Variants in ZSWIM5 observed in about 807,000 individuals in gnomAD.
ZSWIM5 encodes zinc finger SWIM-type containing 5.
ZSWIM5 carries 55 observed loss-of-function variants against 119.6 expected under a neutral mutation model. That is an observed-to-expected ratio of 0.46 (90% CI 0.37 to 0.58). The LOEUF (loss-of-function observed/expected upper bound fraction) is 0.58. Among genes scored for constraint, ZSWIM5 ranks in the 20% least tolerant of loss-of-function variants. ZSWIM5 has a pLI of 0.00. For missense variants in ZSWIM5, 1,193 were observed against 1,512.8 expected (o/e 0.79, Z 3.51); for synonymous variants, 537 against 606.9 (o/e 0.88, Z 1.69).
intron 1 of ZSWIM5, among the ~76,000 whole-genome samples, chr1:45,183,495 C>T: frequency 6.6e-6 from 1 of 152,052 alleles, no homozygotes; most frequent in Non-Finnish European, 1.5e-5. Context: ...AATTGATACA[C>T]CGCTAGCAAG....
rs192831429 is a variant in ZSWIM5, at chr1:45,166,556, G to A, written c.595+39200C>T. On this transcript the variant is annotated intron_variant, in intron 1 of 13. Coordinates refer to ENST00000359600, the MANE Select transcript of ZSWIM5 (RefSeq NM_020883.2). ...CCCTGTTTGCAGACATGACATGATC[G>A]TATATTTAGAACACCCCATCATCTC... Among the ~76,000 whole-genome samples the A allele has an allele frequency of 1.2e-4, 18 of 152,164 alleles. No homozygotes were observed. In the East Asian group the frequency reaches 2.1e-3, roughly 18 times the overall value.
At chr1:45,117,904 T>C (rs1645568380) in intron 1 of ZSWIM5, among the ~76,000 whole-genome samples, 1 of 152,216 alleles carries the variant, frequency 6.6e-6, no homozygotes, top group Non-Finnish European at 1.5e-5. Context: ...CAGGTCCAGA[T>C]TATTTGAGGG....
intron 1 of ZSWIM5, among the ~76,000 whole-genome samples, chr1:45,200,537 T>C (rs2149057299): frequency 6.6e-6 from 1 of 152,292 alleles, no homozygotes; most frequent in East Asian, 1.9e-4. Context: ...TTCAAGGTTA[T>C]CCATTTCTAA....
intron 1 of ZSWIM5, among the ~76,000 whole-genome samples, chr1:45,124,600 GAA>G (rs939197202): frequency 2.6e-5 from 4 of 151,942 alleles, no homozygotes; most frequent in Admixed American, 2.0e-4. Flanking sequence ...AAAATAAAAT[GAA>G]AGACATGTCA....
At chr1:45,118,791 C>T (rs188196739) in intron 1 of ZSWIM5, among the ~76,000 whole-genome samples, 35 of 149,348 alleles carry the variant, frequency 2.3e-4, no homozygotes, top group South Asian at 1.7e-3. Context: ...TTTTATTGGA[C>T]GAATTAATCA....
chr1:45,107,641 C>CAAAAAAA (rs931372052), intron 1 of ZSWIM5, among the ~76,000 whole-genome samples: 1 of 68,562 alleles, frequency 1.5e-5, no homozygotes, highest in Non-Finnish European at 3.1e-5. Context: ...GACTCTGTCT[C>CAAAAAAA]AAAAAAAAAA....
chr1:45,062,337 A>G (rs1008210970), intron 2 of ZSWIM5, among the ~76,000 whole-genome samples: 5 of 151,988 alleles, frequency 3.3e-5, no homozygotes, highest in African/African-American at 1.2e-4. Flanking sequence ...AGCACAACAA[A>G]GCTACTCCTT....
intron 11 of ZSWIM5, among the ~76,000 whole-genome samples, 170 bp downstream of exon 11, chr1:45,034,142 G>A (rs898155914): frequency 1.3e-5 from 2 of 152,204 alleles, no homozygotes; most frequent in South Asian, 2.1e-4. Flanking sequence ...GTAAGCCACC[G>A]CGCCTGGCCA....
At chr1:45,023,790 C>T (rs1413008203) in intron 11 of ZSWIM5, among the ~76,000 whole-genome samples, 1 of 152,156 alleles carries the variant, frequency 6.6e-6, no homozygotes, top group East Asian at 1.9e-4. Flanking sequence ...AAAGACCAAA[C>T]TGTCTTCTAA....
At chr1:45,204,578 T>C (rs1052972798) in intron 1 of ZSWIM5, among the ~76,000 whole-genome samples, 7 of 152,190 alleles carry the variant, frequency 4.6e-5, no homozygotes, top group Non-Finnish European at 8.8e-5. Context: ...CAGAAGCAGA[T>C]TACTTTATAT....
chr1:45,043,208 G>A lies in ZSWIM5; in HGVS notation c.1609+11C>T. The stretch of plus-strand genomic sequence containing the variant: ...GTGGCTCTAAAGTTCTTAGAGGAGG[G>A]CTAGACTTACCAAGCCACAGTGGCT... On this transcript the variant is annotated intron_variant, in intron 6 of 13. Coordinates refer to ENST00000359600, the MANE Select transcript of ZSWIM5 (RefSeq NM_020883.2). 1.9e-6 allele frequency: 3 copies of A among 1,612,654 alleles called. No homozygotes were observed. Among genetic ancestry groups the A allele is most frequent in the Non-Finnish European group, 2.5e-6 (3 of 1,179,828 alleles).
intron 1 of ZSWIM5, among the ~76,000 whole-genome samples, chr1:45,103,862 G>T (rs1645454472): frequency 6.6e-6 from 1 of 152,204 alleles, no homozygotes; most frequent in African/African-American, 2.4e-5. Flanking sequence ...CTCTAGTAAA[G>T]CTTGGGCAAT....
chr1:45,049,912 G>C (rs141407233), intron 5 of ZSWIM5, among the ~76,000 whole-genome samples: 10 of 152,322 alleles, frequency 6.6e-5, no homozygotes, highest in African/African-American at 2.4e-4. Context: ...GGGTAAAGAA[G>C]TGGCAAAATT....
intron 2 of ZSWIM5, among the ~76,000 whole-genome samples, chr1:45,086,258 T>G (rs930133577): frequency 1.1e-4 from 16 of 152,092 alleles, no homozygotes; most frequent in African/African-American, 3.9e-4. Context: ...GCCCCCATGA[T>G]CCATTCACCT....
At position 45,035,691 on chromosome 1, in the gene ZSWIM5, A is replaced by G; in HGVS notation, c.2288T>C (p.Met763Thr). ...GGACTGGGAAAGGGCTACCCACCTC[A>G]TGGCACGTAAGGCTAATTTATAGGA... Reference protein sequence around the residue: ...DLSYKLALRAMRLPVLENSAS... With the variant: ...DLSYKLALRATRLPVLENSAS... Residue 763 changes from methionine to threonine, a missense_variant, in exon 10 of 14, where the codon ATG becomes ACG. This residue lies in a region of ZSWIM5 where 961 missense variants were observed against 1,290.0 expected (regional missense o/e 0.74). Coordinates refer to ENST00000359600, the MANE Select transcript of ZSWIM5 (RefSeq NM_020883.2). 6.2e-7 allele frequency: 1 copy of G among 1,613,314 alleles called. No homozygotes were observed. The highest frequency in any genetic ancestry group is 8.5e-7 in the Non-Finnish European group (1 of 1,179,948).
At chr1:45,181,965 C>T (rs1168393843) in intron 1 of ZSWIM5, among the ~76,000 whole-genome samples, 16 of 152,138 alleles carry the variant, frequency 1.1e-4, no homozygotes, top group Admixed American at 2.0e-4. Context: ...TGGTACCAGC[C>T]GCTGCAAAAA....
At chr1:45,020,967 C>T (rs747012996) in intron 11 of ZSWIM5, among the ~76,000 whole-genome samples, 179 bp from the exon 12 acceptor site, 9 of 152,164 alleles carry the variant, frequency 5.9e-5, no homozygotes, top group Non-Finnish European at 8.8e-5. Context: ...CCTTCCTTCC[C>T]CAGACCCCCA....
At chr1:45,058,153 C>T (rs1192659208) in intron 4 of ZSWIM5, among the ~76,000 whole-genome samples, 2 of 152,014 alleles carry the variant, frequency 1.3e-5, no homozygotes, top group East Asian at 3.9e-4. Flanking sequence ...AGCTCTGAAG[C>T]TATGATATTT....
intron 2 of ZSWIM5, among the ~76,000 whole-genome samples, chr1:45,064,128 G>C (rs999377372): frequency 2.0e-5 from 3 of 152,140 alleles, no homozygotes; most frequent in African/African-American, 7.2e-5. Flanking sequence ...CCTGCCGAAA[G>C]TATGCCCATC....
Sources: gnomAD v4.1 joint callset for allele counts (sites outside exome capture counted in the v4.1 genomes callset) on GRCh38, gnomAD v4.1.1 for gene constraint, gnomAD v4.1.1 regional missense constraint, MANE v1.5 for transcripts, NCBI Gene and HGNC (gene_info 2026-07-23, HGNC 2026-07-21) for gene names.